The following SUPT7L variants were observed in gnomAD, a reference collection of about 807,000 sequenced individuals.
The protein encoded by SUPT7L is STAGA complex 65 subunit gamma.
In SUPT7L, 15 loss-of-function variants were observed where a neutral mutation model predicts 35.7. The observed-to-expected ratio is 0.42, with a 90% CI of 0.28 to 0.65. The LOEUF is 0.65. Among genes scored for constraint, SUPT7L ranks in the 30% least tolerant of loss-of-function variants. SUPT7L has a pLI of 0.23. For missense variants in SUPT7L, 434 were observed against 522.2 expected, an observed-to-expected ratio of 0.83 and a Z score of 1.65; for synonymous variants, 168 against 186.2, an observed-to-expected ratio of 0.90 and a Z score of 0.79.
chr2:27,648,927 A>G (rs1437318983), downstream of SUPT7L, among the ~76,000 whole-genome samples: 1 of 149,934 alleles, frequency 6.7e-6, no homozygotes, highest in African/African-American at 2.4e-5. Flanking sequence ...ATGAGCCACC[A>G]TGCCCTGCCA....
At chr2:27,647,777 T>C (rs530048340), downstream of SUPT7L, 374 of 948,434 alleles carry the variant, frequency 3.9e-4, no homozygotes, top group Non-Finnish European at 5.5e-4. Flanking sequence ...CATAGTTACT[T>C]AGTGATTCAA....
At chr2:27,658,849 C>T (rs1056462746) in intron 3 of SUPT7L, among the ~76,000 whole-genome samples, 16 of 152,230 alleles carry the variant, frequency 1.1e-4, no homozygotes, top group Non-Finnish European at 1.2e-4. Flanking sequence ...ACCAATATCA[C>T]TTTCCTAGAA....
At chr2:27,647,859 C>G (rs767640017), downstream of SUPT7L, 1 of 1,612,404 alleles carries the variant, frequency 6.2e-7, no homozygotes, top group East Asian at 2.2e-5. Context: ...TGTGCTGCAC[C>G]CTTCTGATTT....
chr2:27,652,790 T>C lies in SUPT7L; in HGVS notation c.*695A>G, dbSNP rs1674617808. 1 of 152,700 alleles carries C rather than the reference T, an allele frequency of 6.5e-6. No individual in the cohort carries two copies. The highest frequency in any genetic ancestry group is 1.5e-5 in the Non-Finnish European group (1 of 68,050). 9.5% of individuals were successfully genotyped at this position (152,700 alleles called of 1,614,324 possible). On this transcript the variant is annotated 3_prime_UTR_variant, in exon 6 of 6. Transcript: ENST00000337768. ...AAAATATGTATATGGTGAAAGTATG[T>C]GAGTCCGAGCAGAAATAACAAAGGC...
At position 27,650,882 on chromosome 2, in the gene SUPT7L, A is replaced by G. The variant is rs1445502680; in HGVS notation, c.*2603T>C. 6.5e-6 allele frequency: 1 copy of G among 152,816 alleles called. No homozygotes were observed. The highest frequency in any genetic ancestry group is 2.4e-5 in the African/African-American group (1 of 41,468). 9.5% of individuals were successfully genotyped at this position (152,816 alleles called of 1,614,324 possible). On this transcript the variant is annotated 3_prime_UTR_variant, in exon 6 of 6. Coordinates refer to ENST00000337768, the MANE Select transcript of SUPT7L (RefSeq NM_014860.3). Reference sequence around the variant, plus strand: ...AGACTGCTTGTCATGATTTCAAATTAGAAAATTATATAATTGCAAACAGCT... The same window carrying G: ...AGACTGCTTGTCATGATTTCAAATTGGAAAATTATATAATTGCAAACAGCT...
At position 27,651,374 on chromosome 2, in the gene SUPT7L, C is replaced by T. The variant is rs1674539282; in HGVS notation, c.*2111G>A. On this transcript the variant is annotated 3_prime_UTR_variant, in exon 6 of 6. Coordinates refer to ENST00000337768, the MANE Select transcript of SUPT7L (RefSeq NM_014860.3). ...GATTCTGATGCATAGTAGCCTATGACATAATTCCAGACCAGGTGAATCTCA... is the reference window on the plus strand; with the variant it reads ...GATTCTGATGCATAGTAGCCTATGATATAATTCCAGACCAGGTGAATCTCA... 2 of 152,336 alleles carry T rather than the reference C, an allele frequency of 1.3e-5. No individual in the cohort carries two copies. Among genetic ancestry groups the T allele is most frequent in the South Asian group, 4.1e-4 (2 of 4,832 alleles). 9.4% of individuals were successfully genotyped at this position (152,336 alleles called of 1,614,324 possible). A position where few individuals can be genotyped will look rare whatever the true frequency, so the allele number is the denominator to read the frequency against.
chr2:27,648,571 T>C (rs1221233357), downstream of SUPT7L, among the ~76,000 whole-genome samples: 3 of 152,172 alleles, frequency 2.0e-5, no homozygotes, highest in South Asian at 2.1e-4. Flanking sequence ...ACAGTAAGGA[T>C]AGAATGGCTC....
the SUPT7L span, among the ~76,000 whole-genome samples, chr2:27,642,943 TTATA>T: frequency 4.0e-4 from 52 of 128,560 alleles, no homozygotes; most frequent in African/African-American, 1.2e-3. Flanking sequence ...AAATGTGGTT[TTATA>T]TATATATATA....
chr2:27,658,424 C>T (rs962810113), intron 3 of SUPT7L, among the ~76,000 whole-genome samples: 1 of 152,132 alleles, frequency 6.6e-6, no homozygotes, highest in African/African-American at 2.4e-5. Flanking sequence ...CTAATCACTA[C>T]TGCAGAAATC....
At chr2:27,656,235 C>T (rs1674800874) in intron 4 of SUPT7L, among the ~76,000 whole-genome samples, 2 of 152,126 alleles carry the variant, frequency 1.3e-5, no homozygotes, top group African/African-American at 4.8e-5. Flanking sequence ...TTAGCAAAGA[C>T]TTTTTTCTTG....
rs774176578 is a variant in SUPT7L, at chr2:27,653,676, C to G, written c.1054G>C (p.Gly352Arg). ...AGCACACCATGCCCAGAGACATTGC[C>G]TTCTTCACTTTCTTGAGGCTCCATT... The part of the protein sequence containing the change: ...VKMEPQESEE[G>R]NVSGHGVLGS... The change falls in exon 6 of 6, where the codon GGC (glycine) becomes CGC (arginine). Residue 352 changes from glycine (G) to arginine (R), a missense_variant. Physicochemically the swap from Gly to Arg is moderately radical, Grantham distance 125. Around this residue, in one of 3 missense-constraint regions of SUPT7L, gnomAD observed 159 missense variants for 217.1 expected, o/e 0.73. Coordinates refer to ENST00000337768, the MANE Select transcript of SUPT7L (RefSeq NM_014860.3). The G allele has an allele frequency of 2.1e-5, 34 of 1,614,126 alleles. No homozygotes were observed. In the Admixed American group the frequency reaches 5.7e-4, roughly 27 times the overall value.
rs1674501161 is a variant in SUPT7L at position 27,650,871 on chromosome 2, G to T, written c.*2614C>A. ...ACTTTGTTCTAAGACTGCTTGTCAT[G>T]ATTTCAAATTAGAAAATTATATAAT... On this transcript the variant is annotated 3_prime_UTR_variant, in exon 6 of 6. Coordinates refer to ENST00000337768, the MANE Select transcript of SUPT7L (RefSeq NM_014860.3). 2 of 152,774 alleles carry T rather than the reference G, an allele frequency of 1.3e-5. No individual in the cohort carries two copies. The highest frequency in any genetic ancestry group is 4.8e-5 in the African/African-American group (2 of 41,458). 9.5% of individuals were successfully genotyped at this position (152,774 alleles called of 1,614,324 possible).
Position 27,653,293 on chromosome 2 carries a change from G to C in SUPT7L, c.*192C>G, listed in dbSNP as rs1461370902. 2 of 761,248 alleles carry C rather than the reference G, an allele frequency of 2.6e-6. No homozygotes were observed. Among genetic ancestry groups the C allele is most frequent in the Non-Finnish European group, 4.1e-6 (2 of 490,510 alleles). 47.2% of individuals were successfully genotyped at this position (761,248 alleles called of 1,614,324 possible). A position where few individuals can be genotyped will look rare whatever the true frequency, so the allele number is the denominator to read the frequency against. On this transcript the variant is annotated 3_prime_UTR_variant, in exon 6 of 6. Transcript: ENST00000337768. ...ATCTGTGAAGGGTGGCTTGGTTGTG[G>C]AAAACTATAAAAACTGGATGCAAAA...
the SUPT7L span, among the ~76,000 whole-genome samples, chr2:27,644,556 A>C: frequency 6.6e-6 from 1 of 151,762 alleles, no homozygotes; most frequent in South Asian, 2.1e-4. Context: ...TTTTTTATAG[A>C]TTTGTCTGGT....
Position 27,651,206 on chromosome 2 carries a change from A to T in SUPT7L, c.*2279T>A, listed in dbSNP as rs1674528884. On this transcript the variant is annotated 3_prime_UTR_variant, in exon 6 of 6. Transcript: ENST00000337768. Reference sequence around the variant, plus strand: ...TCAAAGAATTTTATCTCTATGAGTCAGTACTCCAACTTAGTGGTTCTCACA... The same window carrying T: ...TCAAAGAATTTTATCTCTATGAGTCTGTACTCCAACTTAGTGGTTCTCACA... The T allele has an allele frequency of 6.6e-6, 1 of 152,312 alleles. No homozygotes were observed. 9.4% of individuals were successfully genotyped at this position (152,312 alleles called of 1,614,324 possible).
Position 27,662,252 on chromosome 2 carries a change from G to C in SUPT7L, c.-60C>G, listed in dbSNP as rs1156676016. On this transcript the variant is annotated 5_prime_UTR_variant, in exon 2 of 6. Transcript: ENST00000337768. ...ATCAAATGCCAGGCATTCTGTGTCG[G>C]TCAAAGACTGATAATGTGAGATCCT... 1 of 1,562,462 alleles carries C rather than the reference G, an allele frequency of 6.4e-7. No homozygotes were observed.
rs1306300286 is a variant in SUPT7L, at chr2:27,653,369, A to C, written c.*116T>G. 6.9e-7 allele frequency: 1 copy of C among 1,439,022 alleles called. No individual in the cohort carries two copies. The highest frequency in any genetic ancestry group is 1.4e-5 in the African/African-American group (1 of 70,468). The allele number at this position is 1,439,022 out of a possible 1,614,324, so 89.1% of individuals were successfully genotyped here. A position where few individuals can be genotyped will look rare whatever the true frequency, so the allele number is the denominator to read the frequency against. ...GTCCAGTTCCTCTGGAATTAGGAAA[A>C]ACCACTTGTGTTTAAGAACAGGAGT... On this transcript the variant is annotated 3_prime_UTR_variant, in exon 6 of 6. Transcript: ENST00000337768.
At position 27,657,663 on chromosome 2, in the gene SUPT7L, T is replaced by C. The variant is rs1558499875; in HGVS notation, c.426A>G (p.Lys142=). ...AGCTGAGTTCAGTCACAGGTTCCCCTTTCCCACTGAAAGTGGAGATACGGT... is the reference window on the plus strand; with the variant it reads ...AGCTGAGTTCAGTCACAGGTTCCCCCTTCCCACTGAAAGTGGAGATACGGT... ...SDPESDFYRG[K]GEPVTELSWH... is the part of the protein sequence containing the mutation. The change falls in exon 4 of 6, where the codon AAA becomes AAG. Residue 142 remains lysine (K), a synonymous_variant. Coordinates refer to ENST00000337768, the MANE Select transcript of SUPT7L (RefSeq NM_014860.3). The surrounding 1 kb of genome is among the most constrained non-coding windows in gnomAD (Gnocchi z 5.2). The C allele has an allele frequency of 4.3e-6, 7 of 1,610,546 alleles. No homozygotes were observed. The Middle Eastern group carries it at 5.1e-4, about 117-fold the overall frequency.
rs754288302 is a variant in SUPT7L, at chr2:27,655,553, T to G, written c.794A>C (p.Lys265Thr). 62 of 1,611,886 alleles carry G rather than the reference T, an allele frequency of 3.8e-5. No individual in the cohort carries two copies. Among genetic ancestry groups the G allele is most frequent in the Non-Finnish European group, 5.3e-5 (62 of 1,179,284 alleles). The change falls in exon 5 of 6, where the codon AAG becomes ACG. Residue 265 changes from lysine to threonine, a missense_variant. Lys to Thr is a moderately conservative substitution (Grantham distance 78). Around this residue, in one of 3 missense-constraint regions of SUPT7L, gnomAD observed 159 missense variants for 217.1 expected, o/e 0.73. Transcript: ENST00000337768. ...EEYERIVNPE[K>T]ATEDAKPVKI... ...CACAGGTTTAGCGTCCTCTGTGGCC[T>G]TCTCAGGATTGACAATCCTTTCATA... is the stretch of plus-strand genomic sequence containing the variant.
Sources: allele counts gnomAD v4.1 joint callset (sites outside exome capture counted in the v4.1 genomes callset), GRCh38; gene constraint gnomAD v4.1.1; regional missense constraint gnomAD v4.1.1; non-coding constraint Gnocchi (gnomAD v3.1); transcripts MANE v1.5; gene names NCBI Gene and HGNC (gene_info 2026-07-23, HGNC 2026-07-21).